CDK17: variants seen among roughly 807,000 people sequenced by gnomAD.
The protein encoded by CDK17 is cyclin-dependent kinase 17.
A neutral mutation model predicts 77.6 loss-of-function variants in CDK17; 24 were observed. The observed-to-expected ratio is 0.31, with a 90% confidence interval of 0.22 to 0.44. The LOEUF (loss-of-function observed/expected upper bound fraction) is 0.44. Among genes scored for constraint, CDK17 ranks in the 20% least tolerant of loss-of-function variants. The probability of loss-of-function intolerance (pLI) is 1.00; values close to 1 mark genes in which losing one functional copy is unlikely to be tolerated. For synonymous variants in CDK17, 203 were observed against 210.4 expected, an observed-to-expected ratio of 0.96 and a Z score of 0.30; for missense variants, 429 against 622.5, an observed-to-expected ratio of 0.69 and a Z score of 3.31.
chr12:96,383,067 T>A (rs1953912725), intron 1 of CDK17, among the ~76,000 whole-genome samples: 1 of 152,082 alleles, frequency 6.6e-6, no homozygotes, highest in Non-Finnish European at 1.5e-5. Context: ...TCAGTAAAGG[T>A]TCAGGATACA....
intron 3 of CDK17, among the ~76,000 whole-genome samples, chr12:96,323,287 AAAAC>A (rs952319278): frequency 9.9e-6 from 1 of 100,634 alleles, no homozygotes; most frequent in Non-Finnish European, 2.0e-5. Context: ...AAAAAAAACA[AAAAC>A]AAACAAACAA....
At chr12:96,284,253 G>A (rs986204234) in intron 13 of CDK17, among the ~76,000 whole-genome samples, 1 of 151,998 alleles carries the variant, frequency 6.6e-6, no homozygotes, top group Admixed American at 6.5e-5. Context: ...GGTGGATCAC[G>A]AGGTCAGGAG....
At chr12:96,379,943 A>T (rs1953848605) in intron 1 of CDK17, among the ~76,000 whole-genome samples, 1 of 151,920 alleles carries the variant, frequency 6.6e-6, no homozygotes, top group African/African-American at 2.4e-5. Context: ...CCAAGGCAGG[A>T]GGATCGCTTG....
intron 1 of CDK17, among the ~76,000 whole-genome samples, chr12:96,339,304 A>T (rs1953090385): frequency 6.6e-6 from 1 of 152,052 alleles, no homozygotes; most frequent in South Asian, 2.1e-4. Context: ...AAAAGTACGT[A>T]GTCCAAACTG....
chr12:96,348,850 A>G (rs1318856535), intron 1 of CDK17, among the ~76,000 whole-genome samples: 3 of 152,202 alleles, frequency 2.0e-5, no homozygotes, highest in Non-Finnish European at 4.4e-5. Context: ...GCCCAGGACC[A>G]GATGACTTTA....
At chr12:96,392,451 G>A (rs750037978) in intron 1 of CDK17, among the ~76,000 whole-genome samples, 1 of 152,158 alleles carries the variant, frequency 6.6e-6, no homozygotes, top group Non-Finnish European at 1.5e-5. Flanking sequence ...CAAAACTGGA[G>A]CCAGTAAATC....
chr12:96,299,621 C>A (rs936898257), intron 6 of CDK17, among the ~76,000 whole-genome samples: 30 of 152,306 alleles, frequency 2.0e-4, no homozygotes, highest in African/African-American at 6.3e-4. Flanking sequence ...GAACTCCTGA[C>A]CTCGTGATTC....
At chr12:96,354,706 C>A (rs921146665) in intron 1 of CDK17, among the ~76,000 whole-genome samples, 10 of 152,060 alleles carry the variant, frequency 6.6e-5, no homozygotes, top group Non-Finnish European at 1.0e-4. Flanking sequence ...CATAGTGAGA[C>A]CCCTCCTCTT....
chr12:96,382,871 C>T (rs143634835), intron 1 of CDK17, among the ~76,000 whole-genome samples: 2 of 152,048 alleles, frequency 1.3e-5, no homozygotes, highest in Admixed American at 6.6e-5. Context: ...GACAAAGATG[C>T]CCACTCTCAC....
rs1954238714 is a variant in CDK17 at position 96,400,185 on chromosome 12, C to T, written c.-229G>A. On this transcript the variant is annotated 5_prime_UTR_variant, in exon 1 of 17. Transcript: ENST00000261211. ...GGGTCCGGAGCCTCGGGAGGGGCCG[C>T]GGGTGTCTCACGCGTTGCCAAGTCC... The T allele has an allele frequency of 2.5e-6, 1 of 394,660 alleles. No homozygotes were observed. Among genetic ancestry groups the T allele is most frequent in the South Asian group, 1.3e-4 (1 of 7,834 alleles). 24.4% of individuals were successfully genotyped at this position (394,660 alleles called of 1,614,324 possible). A position where few individuals can be genotyped will look rare whatever the true frequency, so the allele number is the denominator to read the frequency against.
intron 1 of CDK17, among the ~76,000 whole-genome samples, chr12:96,395,463 A>G (rs375191616): frequency 3.3e-5 from 5 of 152,212 alleles, no homozygotes; most frequent in African/African-American, 1.2e-4. Flanking sequence ...CCCTGGAAAC[A>G]ATGACTTAAC....
chr12:96,359,694 A>G (rs1248623290), intron 1 of CDK17, among the ~76,000 whole-genome samples: 1 of 152,252 alleles, frequency 6.6e-6, no homozygotes, highest in Non-Finnish European at 1.5e-5. Flanking sequence ...ATTAATTAGC[A>G]TACTATGATG....
chr12:96,292,614 A>C (rs1001128221), intron 10 of CDK17, among the ~76,000 whole-genome samples: 2 of 152,120 alleles, frequency 1.3e-5, no homozygotes, highest in Non-Finnish European at 2.9e-5. Flanking sequence ...CAAAACAAAC[A>C]ACCAAAAAAC....
intron 1 of CDK17, among the ~76,000 whole-genome samples, chr12:96,368,465 A>G (rs1304418884): frequency 1.3e-5 from 2 of 152,144 alleles, no homozygotes; most frequent in African/African-American, 4.8e-5. Context: ...TGTGCTCTGC[A>G]GCTGGCCAGT....
intron 3 of CDK17, among the ~76,000 whole-genome samples, chr12:96,316,951 G>A (rs1952738369): frequency 6.7e-6 from 1 of 150,262 alleles, no homozygotes; most frequent in Admixed American, 6.6e-5. Flanking sequence ...AACAAAGCTG[G>A]ATGGAGAATG....
At chr12:96,372,785 G>C (rs911653026) in intron 1 of CDK17, among the ~76,000 whole-genome samples, 20 of 152,148 alleles carry the variant, frequency 1.3e-4, no homozygotes, top group African/African-American at 4.6e-4. Flanking sequence ...TGAAGAAAAA[G>C]AGGGTAAAAT....
At chr12:96,314,523 T>G (rs148201261) in intron 3 of CDK17, among the ~76,000 whole-genome samples, 1,549 of 152,250 alleles carry the variant, frequency 0.01, 46 homozygotes, top group Admixed American at 0.061. Flanking sequence ...CAAGGTCTGA[T>G]TGCAAAAATT....
intron 14 of CDK17, 50 bp downstream of exon 14, chr12:96,283,553 A>C: frequency 9.0e-7 from 1 of 1,108,420 alleles, no homozygotes; most frequent in South Asian, 1.3e-5. Flanking sequence ...ACACATGAAG[A>C]AGCTGAGGCT....
chr12:96,382,665 ATTAAG>A (rs1953902842), intron 1 of CDK17, among the ~76,000 whole-genome samples: 1 of 152,196 alleles, frequency 6.6e-6, no homozygotes, highest in Non-Finnish European at 1.5e-5. Context: ...ATTCACCATA[ATTAAG>A]TAAGCTTTGT....
Sources: gnomAD v4.1 joint callset for allele counts (sites outside exome capture counted in the v4.1 genomes callset) on GRCh38, gnomAD v4.1.1 for gene constraint, MANE v1.5 for transcripts, NCBI Gene and HGNC (gene_info 2026-07-23, HGNC 2026-07-21) for gene names.